MYO3B: variants seen among roughly 807,000 people sequenced by gnomAD.
The protein encoded by MYO3B is myosin IIIB, also known as myosin-IIIb.
MYO3B carries 156 observed loss-of-function variants against 174.6 expected under a neutral mutation model. The ratio of observed to expected loss-of-function variants is 0.89; its 90% confidence interval spans 0.78 to 1.02. The LOEUF (loss-of-function observed/expected upper bound fraction) is 1.02, where lower values mean the gene tolerates loss of function less well. Ranked by LOEUF, MYO3B falls within the 50% of genes least tolerant of loss-of-function variation. The probability of loss-of-function intolerance (pLI) is 0.00; values close to 1 mark genes in which losing one functional copy is unlikely to be tolerated. For synonymous variants in MYO3B, 563 were observed against 569.1 expected, an observed-to-expected ratio of 0.99 and a Z score of 0.15; for missense variants, 1,632 against 1,639.4, an observed-to-expected ratio of 1.00 and a Z score of 0.08.
chr2:170,651,746 G>A lies in MYO3B; in HGVS notation c.3840+12G>A. The A allele has an allele frequency of 6.2e-7, 1 of 1,608,016 alleles. No individual in the cohort carries two copies. Among genetic ancestry groups the A allele is most frequent in the Non-Finnish European group, 8.5e-7 (1 of 1,174,496 alleles). On this transcript the variant is annotated intron_variant, in intron 33 of 34. Transcript: ENST00000408978. ...ATAACCAGTTAAATGTGAGTTCAAA[G>A]TGGCCGTAAAGCTGTTTCACTGGCT...
chr2:170,198,585 G>A (rs186497768), intron 1 of MYO3B, among the ~76,000 whole-genome samples: 1 of 152,286 alleles, frequency 6.6e-6, no homozygotes, highest in East Asian at 1.9e-4. Flanking sequence ...TTTGGGCTGG[G>A]ACATCAGCCA....
At chr2:170,442,552 G>A (rs141880295) in intron 22 of MYO3B, among the ~76,000 whole-genome samples, 74 of 146,430 alleles carry the variant, frequency 5.1e-4, no homozygotes, top group African/African-American at 1.9e-3. Context: ...TGTGCACAAC[G>A]TGCAGGTTTG....
At chr2:170,636,990 A>T (rs897538190) in intron 32 of MYO3B, among the ~76,000 whole-genome samples, 1 of 91,006 alleles carries the variant, frequency 1.1e-5, no homozygotes, top group Non-Finnish European at 2.5e-5. Flanking sequence ...GTGTGTGTGT[A>T]GGCAATAATT....
intron 30 of MYO3B, among the ~76,000 whole-genome samples, chr2:170,522,633 T>C (rs2106149471): frequency 1.3e-5 from 2 of 152,350 alleles, no homozygotes; most frequent in East Asian, 1.9e-4. Flanking sequence ...CGCCTCTCTC[T>C]AGCTCACTTC....
At chr2:170,330,955 A>G (rs1376891717) in intron 7 of MYO3B, among the ~76,000 whole-genome samples, 3 of 152,186 alleles carry the variant, frequency 2.0e-5, no homozygotes, top group Non-Finnish European at 2.9e-5. Context: ...TGCAACATGT[A>G]TATGTTTGTG....
Position 170,269,806 on chromosome 2 carries a change from A to G in MYO3B, c.749+33670A>G, listed in dbSNP as rs888659219. 2.0e-5 allele frequency among the ~76,000 whole-genome samples: 3 copies of G among 152,234 alleles called. 1 individual carries two copies. Among genetic ancestry groups the G allele is most frequent in the African/African-American group, 4.8e-5 (2 of 41,472 alleles). On this transcript the variant is annotated intron_variant, in intron 7 of 34. Transcript: ENST00000408978. ...CCTGACATGCAAAGATTTCAAAACC[A>G]GAGGTCCTCAAACTTTAGTGTGCAT... is the stretch of plus-strand genomic sequence containing the variant.
intron 6 of MYO3B, among the ~76,000 whole-genome samples, chr2:170,220,201 T>A (rs1171822346): frequency 6.6e-6 from 1 of 151,838 alleles, no homozygotes; most frequent in Non-Finnish European, 1.5e-5. Flanking sequence ...GAGCTTGCAG[T>A]GAGCCGAGAT....
chr2:170,478,362 A>G (rs1285752329), intron 25 of MYO3B, among the ~76,000 whole-genome samples: 2 of 152,148 alleles, frequency 1.3e-5, no homozygotes, highest in Non-Finnish European at 2.9e-5. Context: ...ATGAATGAAT[A>G]TTAAGTAAAT....
At position 170,187,315 on chromosome 2, in the gene MYO3B, C is replaced by G. The variant is rs2092478078; in HGVS notation, c.2+9026C>G. Among the ~76,000 whole-genome samples the G allele has an allele frequency of 1.3e-5, 2 of 152,114 alleles. 1 individual carries two copies. Among genetic ancestry groups the G allele is most frequent in the Admixed American group, 1.3e-4 (2 of 15,262 alleles). The stretch of plus-strand genomic sequence containing the variant: ...TGACACAGTCTTGGCTCACTGTAAC[C>G]TCTGCCTCCTGGGTTCAAGTGATTC... On this transcript the variant is annotated intron_variant, in intron 1 of 34. Coordinates refer to ENST00000408978, the MANE Select transcript of MYO3B (RefSeq NM_138995.5).
At chr2:170,394,785 T>G (rs2094434678) in intron 16 of MYO3B, among the ~76,000 whole-genome samples, 1 of 152,198 alleles carries the variant, frequency 6.6e-6, no homozygotes, top group South Asian at 2.1e-4. Flanking sequence ...ACAACCTGTT[T>G]TGCTGAGTTA....
rs1415522986 is a variant in MYO3B at position 170,466,516 on chromosome 2, T to C, written c.2819T>C (p.Met940Thr). The stretch of plus-strand genomic sequence containing the variant: ...TTTTCTCCCTGGTAGTATTCTCTGA[T>C]GGACCTGCTCTCCAAAATGGTGGTT... ...TVASYFRYSL[M>T]DLLSKMVVGQ... Residue 940 changes from methionine to threonine, a missense_variant, in exon 25 of 35, where the codon ATG becomes ACG. By Grantham distance (81) the Met-to-Thr change is moderately conservative (BLOSUM62 -1). Transcript: ENST00000408978. 5.0e-6 allele frequency: 8 copies of C among 1,614,200 alleles called. No individual in the cohort carries two copies. The highest frequency in any genetic ancestry group is 1.3e-5 in the African/African-American group (1 of 75,056).
At position 170,490,549 on chromosome 2, in the gene MYO3B, G is replaced by A. The variant is rs181098299; in HGVS notation, c.3015-8043G>A. On this transcript the variant is annotated intron_variant, in intron 25 of 34. Transcript: ENST00000408978. The stretch of plus-strand genomic sequence containing the variant: ...ATGTTATTTTTTTTTTTGTCTTATT[G>A]TGCTGGATAGGACGTCTGGTACAAT... 4.4e-3 allele frequency among the ~76,000 whole-genome samples: 661 copies of A among 148,806 alleles called. 6 individuals are homozygous for A. Among genetic ancestry groups the A allele is most frequent in the African/African-American group, 0.016 (638 of 40,418 alleles).
In MYO3B at chr2:170,273,608, T is replaced by G. The variant is rs554075634; in HGVS notation, c.749+37472T>G. On this transcript the variant is annotated intron_variant, in intron 7 of 34. Coordinates refer to ENST00000408978, the MANE Select transcript of MYO3B (RefSeq NM_138995.5). ...CTGTATCATCTGCCTGGGATGCTCA[T>G]TTCTTCCTTCCTCTCACGTACTTCA... Among the ~76,000 whole-genome samples, 10 of 152,282 alleles carry G rather than the reference T, an allele frequency of 6.6e-5. No homozygotes were observed. In the South Asian group the frequency reaches 2.1e-3, roughly 32 times the overall value.
At chr2:170,557,518 G>A (rs1180047246) in intron 32 of MYO3B, among the ~76,000 whole-genome samples, 1 of 152,120 alleles carries the variant, frequency 6.6e-6, no homozygotes, top group East Asian at 1.9e-4. Context: ...TTCAGAGAGG[G>A]CTGGGAGATA....
chr2:170,322,849 A>G (rs1352876764), intron 7 of MYO3B, among the ~76,000 whole-genome samples: 3 of 152,160 alleles, frequency 2.0e-5, no homozygotes, highest in African/African-American at 7.2e-5. Flanking sequence ...TGTGTGTGCC[A>G]GGGTCTGCTC....
intron 23 of MYO3B, among the ~76,000 whole-genome samples, chr2:170,445,594 G>T (rs2105916252): frequency 6.6e-6 from 1 of 151,794 alleles, no homozygotes; most frequent in African/African-American, 2.4e-5. Flanking sequence ...GCCCACCTGG[G>T]CCTCCCCAAG....
At chr2:170,609,960 C>T (rs112368719) in intron 32 of MYO3B, among the ~76,000 whole-genome samples, 1,779 of 152,316 alleles carry the variant, frequency 0.012, 31 homozygotes, top group African/African-American at 0.04. Flanking sequence ...ATCCAAATGC[C>T]TGCAAAGGAA....
chr2:170,368,610 T>C (rs958662152), intron 8 of MYO3B, among the ~76,000 whole-genome samples: 4 of 152,242 alleles, frequency 2.6e-5, no homozygotes, highest in African/African-American at 9.6e-5. Flanking sequence ...GGACTTTTTG[T>C]TCCCTGTTTG....
At chr2:170,479,302 TA>T (rs888467567) in intron 25 of MYO3B, among the ~76,000 whole-genome samples, 2 of 147,826 alleles carry the variant, frequency 1.4e-5, no homozygotes, top group South Asian at 4.2e-4. Flanking sequence ...AAAAAATAAA[TA>T]AAAAATTAAA....
Sources: allele counts gnomAD v4.1 joint callset (sites outside exome capture counted in the v4.1 genomes callset), GRCh38; gene constraint gnomAD v4.1.1; transcripts MANE v1.5; gene names NCBI Gene and HGNC (gene_info 2026-07-23, HGNC 2026-07-21).